Variants in BCKDHB observed in about 807,000 individuals in gnomAD.
BCKDHB encodes 2-oxoisovalerate dehydrogenase subunit beta, mitochondrial.
In BCKDHB, 41 loss-of-function variants were observed where a neutral mutation model predicts 48.5. That is an observed-to-expected ratio of 0.85 (90% CI 0.66 to 1.10). BCKDHB has a LOEUF of 1.10. Ranked by LOEUF, BCKDHB falls within the 50% of genes least tolerant of loss-of-function variation. The pLI, the probability that BCKDHB is intolerant of heterozygous loss-of-function variation, is 0.00. For missense variants in BCKDHB, 496 were observed against 494.2 expected (o/e 1.00, Z -0.03); for synonymous variants, 201 against 174.8 (o/e 1.15, Z -1.18).
intron 3 of BCKDHB, among the ~76,000 whole-genome samples, chr6:80,157,843 A>G (rs1228443763): frequency 6.6e-6 from 1 of 152,124 alleles, no homozygotes; most frequent in East Asian, 1.9e-4. Context: ...AATTGTTTAA[A>G]TGAAAAATTT....
the BCKDHB span, among the ~76,000 whole-genome samples, chr6:80,384,459 A>G: frequency 6.6e-6 from 1 of 151,924 alleles, no homozygotes; most frequent in Non-Finnish European, 1.5e-5. Flanking sequence ...CCCAGGTTCA[A>G]GCAATTCTCC....
At chr6:80,404,091 T>C in the BCKDHB span, among the ~76,000 whole-genome samples, 1 of 151,982 alleles carries the variant, frequency 6.6e-6, no homozygotes, top group Non-Finnish European at 1.5e-5. Flanking sequence ...GCTGGCCTTG[T>C]GTTATCAGTT....
intron 8 of BCKDHB, among the ~76,000 whole-genome samples, chr6:80,268,625 A>G (rs1402109646): frequency 6.6e-6 from 1 of 152,094 alleles, no homozygotes; most frequent in Non-Finnish European, 1.5e-5. Flanking sequence ...AAAATAAAAA[A>G]TACAGATAGA....
chr6:80,300,348 G>C (rs75324947), intron 9 of BCKDHB, among the ~76,000 whole-genome samples: 1,820 of 152,186 alleles, frequency 0.012, 29 homozygotes, highest in African/African-American at 0.042. Context: ...CACCATACCT[G>C]GGCAGGAGCC....
At chr6:80,358,340 T>C in the BCKDHB span, among the ~76,000 whole-genome samples, 1 of 152,200 alleles carries the variant, frequency 6.6e-6, no homozygotes, top group South Asian at 2.1e-4. Flanking sequence ...TTTTAATCTT[T>C]CAGGCTATGA....
At chr6:80,204,234 G>A (rs1462620350) in intron 8 of BCKDHB, among the ~76,000 whole-genome samples, 1 of 152,060 alleles carries the variant, frequency 6.6e-6, no homozygotes, top group Non-Finnish European at 1.5e-5. Flanking sequence ...GTTTTTAGGT[G>A]AAGAGTGTTT....
rs147581757 is a variant in BCKDHB, at chr6:80,200,987, A to G, written c.796A>G (p.Ile266Val). ...YNIPLSQAEV[I>V]QEGSDVTLVA... is the part of the protein sequence containing the mutation. ...CATCCCACTGTCCCAGGCCGAAGTC[A>G]TACAGGAAGGGAGTGATGTTACTCT... The change falls in exon 7 of 10, where the codon ATA (isoleucine) becomes GTA (valine). Residue 266 changes from isoleucine (I) to valine (V), a missense_variant. Physicochemically the swap from Ile to Val is conservative, Grantham distance 29 (BLOSUM62 3). Transcript: ENST00000320393. 6.8e-6 allele frequency: 11 copies of G among 1,613,132 alleles called. No individual in the cohort carries two copies. Among genetic ancestry groups the G allele is most frequent in the African/African-American group, 1.3e-5 (1 of 74,846 alleles).
At chr6:80,240,798 T>C (rs1776351430) in intron 8 of BCKDHB, among the ~76,000 whole-genome samples, 1 of 152,060 alleles carries the variant, frequency 6.6e-6, no homozygotes, top group African/African-American at 2.4e-5. Flanking sequence ...TATTGGCCTG[T>C]CTTGCTAGGT....
At chr6:80,199,777 A>G (rs1265304170) in intron 6 of BCKDHB, among the ~76,000 whole-genome samples, 53 of 145,874 alleles carry the variant, frequency 3.6e-4, no homozygotes, top group African/African-American at 1.2e-3. Context: ...GTCTCAAAAA[A>G]AAAAAAAAAA....
chr6:80,106,939 G>C, intron 1 of BCKDHB, 50 bp downstream of exon 1: 3 of 1,563,466 alleles, frequency 1.9e-6, no homozygotes, highest in Non-Finnish European at 1.7e-6. Context: ...GGACTCCCAG[G>C]CTCGCAGGCG....
chr6:80,224,387 A>C (rs1775591151), intron 8 of BCKDHB, among the ~76,000 whole-genome samples: 1 of 151,154 alleles, frequency 6.6e-6, no homozygotes, highest in Non-Finnish European at 1.5e-5. Context: ...TAAAAGAGAG[A>C]TTTTTTTCTT....
Position 80,127,667 on chromosome 6 carries a change from C to A in BCKDHB, c.274+43C>A, listed in dbSNP as rs777064152. On this transcript the variant is annotated intron_variant, in intron 2 of 9. Transcript: ENST00000320393. ...CTGAATTGTGGTAGCTGTGTTAATT[C>A]CAGAATTGAAGATTTGCTTAAAATA... The A allele has an allele frequency of 4.4e-5, 67 of 1,514,412 alleles. No homozygotes were observed. In the South Asian group the frequency reaches 7.3e-4, roughly 17 times the overall value. 93.8% of individuals were successfully genotyped at this position (1,514,412 alleles called of 1,614,324 possible). A position where few individuals can be genotyped will look rare whatever the true frequency, so the allele number is the denominator to read the frequency against.
chr6:80,134,952 A>C (rs1051746339), intron 3 of BCKDHB, among the ~76,000 whole-genome samples: 5 of 151,972 alleles, frequency 3.3e-5, no homozygotes, highest in African/African-American at 1.2e-4. Flanking sequence ...GGGTTTCATC[A>C]TGTTGGCCAG....
At chr6:80,291,593 G>A (rs917685036) in intron 9 of BCKDHB, among the ~76,000 whole-genome samples, 1 of 152,134 alleles carries the variant, frequency 6.6e-6, no homozygotes, top group African/African-American at 2.4e-5. Flanking sequence ...GGGGTTACTA[G>A]CTGATTCCAC....
the BCKDHB span, among the ~76,000 whole-genome samples, chr6:80,415,007 G>C: frequency 6.6e-6 from 1 of 151,660 alleles, no homozygotes; most frequent in Admixed American, 6.6e-5. Flanking sequence ...ATTTCTGTGT[G>C]TGTGTGTGTG....
chr6:80,177,807 T>C (rs1175243984), intron 6 of BCKDHB, among the ~76,000 whole-genome samples: 1 of 152,232 alleles, frequency 6.6e-6, no homozygotes, highest in African/African-American at 2.4e-5. Context: ...CTTAGGAAGC[T>C]AAAGGTAGGC....
intron 3 of BCKDHB, among the ~76,000 whole-genome samples, chr6:80,137,777 C>A (rs1582211706): frequency 1.3e-5 from 2 of 151,856 alleles, no homozygotes; most frequent in East Asian, 3.9e-4. Context: ...ACTGTCCGTA[C>A]CAAAATGTCA....
intron 9 of BCKDHB, among the ~76,000 whole-genome samples, chr6:80,276,405 C>G (rs1206489037): frequency 6.6e-6 from 1 of 151,772 alleles, no homozygotes; most frequent in Non-Finnish European, 1.5e-5. Flanking sequence ...GAGAATACAG[C>G]ACTATGGAGA....
intron 8 of BCKDHB, among the ~76,000 whole-genome samples, chr6:80,262,471 C>T (rs2127952124): frequency 6.6e-6 from 1 of 152,192 alleles, no homozygotes; most frequent in Admixed American, 6.5e-5. Flanking sequence ...TTCCTTATTT[C>T]AGGGATTTGA....
Sources: gnomAD v4.1 joint callset for allele counts (sites outside exome capture counted in the v4.1 genomes callset) on GRCh38, gnomAD v4.1.1 for gene constraint, MANE v1.5 for transcripts, NCBI Gene and HGNC (gene_info 2026-07-23, HGNC 2026-07-21) for gene names.